FSTL5: variants seen among roughly 807,000 people sequenced by gnomAD.
FSTL5 encodes follistatin-related protein 5.
Under a neutral mutation model 89.1 loss-of-function variants are expected in FSTL5, and 62 were observed. That is an observed-to-expected ratio of 0.70 (90% confidence interval 0.57 to 0.86). FSTL5 has a LOEUF of 0.86. Among genes scored for constraint, FSTL5 ranks in the 40% least tolerant of loss-of-function variants. FSTL5 has a pLI of 0.00. For synonymous variants in FSTL5, 383 were observed against 346.2 expected, an observed-to-expected ratio of 1.11 and a Z score of -1.18; for missense variants, 1,057 against 1,001.6, an observed-to-expected ratio of 1.06 and a Z score of -0.75.
intron 5 of FSTL5, among the ~76,000 whole-genome samples, chr4:161,765,527 T>G (rs1243120614): frequency 6.6e-6 from 1 of 152,200 alleles, no homozygotes; most frequent in Non-Finnish European, 1.5e-5. Flanking sequence ...TTTGTAATGA[T>G]TTTTAAAGAA....
Position 162,017,107 on chromosome 4 carries a change from A to G in FSTL5, c.160+16518T>C, listed in dbSNP as rs1051550439. Among the ~76,000 whole-genome samples the G allele has an allele frequency of 9.2e-5, 14 of 152,296 alleles. No individual in the cohort carries two copies. In the South Asian group the frequency reaches 1.2e-3, roughly 14 times the overall value. On this transcript the variant is annotated intron_variant, in intron 3 of 15. Coordinates refer to ENST00000306100, the MANE Select transcript of FSTL5 (RefSeq NM_020116.5). ...GACATTCCCTCTGTACTTATTCTCT[A>G]TAATTTTCCCTTAGAGTCAGTCTTT... is the stretch of plus-strand genomic sequence containing the variant.
chr4:161,469,038 T>C (rs952880029), intron 13 of FSTL5, among the ~76,000 whole-genome samples: 2 of 152,220 alleles, frequency 1.3e-5, no homozygotes, highest in African/African-American at 4.8e-5. Context: ...TTTTACCTTG[T>C]AAAATGGAAC....
At chr4:161,712,668 G>T (rs1738832412) in intron 6 of FSTL5, among the ~76,000 whole-genome samples, 1 of 152,120 alleles carries the variant, frequency 6.6e-6, no homozygotes, top group African/African-American at 2.4e-5. Flanking sequence ...TTGGCTCACG[G>T]GGGCAGGTCC....
At chr4:161,500,522 A>G (rs926262575) in intron 11 of FSTL5, among the ~76,000 whole-genome samples, 8 of 152,132 alleles carry the variant, frequency 5.3e-5, no homozygotes, top group Admixed American at 3.3e-4. Flanking sequence ...CTTTTATTAG[A>G]GTTCACTAGG....
intron 6 of FSTL5, among the ~76,000 whole-genome samples, chr4:161,757,378 A>C (rs1740611210): frequency 6.6e-6 from 1 of 151,958 alleles, no homozygotes. Context: ...ACACACACAC[A>C]CACACACACA....
chr4:162,113,985 A>G (rs1456863140), intron 1 of FSTL5, among the ~76,000 whole-genome samples: 1 of 152,156 alleles, frequency 6.6e-6, no homozygotes, highest in Admixed American at 6.6e-5. Flanking sequence ...TTTCTTCAGC[A>G]TTACATCACC....
intron 3 of FSTL5, among the ~76,000 whole-genome samples, chr4:161,990,922 T>C (rs1736093296): frequency 6.6e-6 from 1 of 152,148 alleles, no homozygotes; most frequent in African/African-American, 2.4e-5. Context: ...CCAAACTTGC[T>C]GTCTCCACTC....
At chr4:161,528,747 A>C (rs955909906) in intron 10 of FSTL5, among the ~76,000 whole-genome samples, 12 of 143,584 alleles carry the variant, frequency 8.4e-5, no homozygotes, top group African/African-American at 1.0e-4. Context: ...TGTTAAACTT[A>C]AGAACACAGT....
At chr4:162,084,299 T>C (rs1381859980) in intron 2 of FSTL5, among the ~76,000 whole-genome samples, 2 of 151,954 alleles carry the variant, frequency 1.3e-5, no homozygotes, top group African/African-American at 4.8e-5. Flanking sequence ...GTCAGGTTTA[T>C]ATTGCAATTT....
chr4:161,845,582 T>C (rs1731341600), intron 4 of FSTL5, among the ~76,000 whole-genome samples: 1 of 152,242 alleles, frequency 6.6e-6, no homozygotes, highest in Admixed American at 6.5e-5. Flanking sequence ...ACTTTTGCCT[T>C]AGAATACAAA....
chr4:161,859,808 C>A, intron 4 of FSTL5, among the ~76,000 whole-genome samples: 1 of 152,056 alleles, frequency 6.6e-6, no homozygotes, highest in East Asian at 1.9e-4. Flanking sequence ...CAGAGGGCTG[C>A]TGGAGTGTGT....
chr4:162,093,126 T>C (rs1730614783), intron 2 of FSTL5, among the ~76,000 whole-genome samples: 1 of 152,044 alleles, frequency 6.6e-6, no homozygotes, highest in Admixed American at 6.6e-5. Flanking sequence ...ATATCAAATG[T>C]CATTAAACAC....
chr4:162,105,419 C>T (rs1731185760), intron 2 of FSTL5, among the ~76,000 whole-genome samples: 1 of 152,056 alleles, frequency 6.6e-6, no homozygotes, highest in Non-Finnish European at 1.5e-5. Flanking sequence ...TGCTAAAACT[C>T]AAATATTTTT....
At chr4:161,548,091 C>T (rs555795831) in intron 8 of FSTL5, among the ~76,000 whole-genome samples, 4 of 151,818 alleles carry the variant, frequency 2.6e-5, no homozygotes, top group Non-Finnish European at 5.9e-5. Context: ...ATTATTGCCT[C>T]TAGTTACAAT....
intron 1 of FSTL5, among the ~76,000 whole-genome samples, chr4:162,113,122 C>T (rs1380681815): frequency 1.3e-5 from 2 of 152,136 alleles, no homozygotes; most frequent in Non-Finnish European, 2.9e-5. Context: ...TATTGCTTCA[C>T]ACCCAACCTC....
chr4:162,110,725 C>G (rs1731402751), intron 2 of FSTL5, among the ~76,000 whole-genome samples: 1 of 151,318 alleles, frequency 6.6e-6, no homozygotes, highest in Non-Finnish European at 1.5e-5. Context: ...GCCTAAATAT[C>G]AGTTTATTTT....
chr4:161,491,384 CAG>C (rs1285218604), intron 12 of FSTL5, among the ~76,000 whole-genome samples: 2 of 151,758 alleles, frequency 1.3e-5, no homozygotes, highest in Non-Finnish European at 2.9e-5. Context: ...TCACAGATTA[CAG>C]AGTTAAGTTT....
At chr4:161,639,123 A>C (rs927048234) in intron 7 of FSTL5, among the ~76,000 whole-genome samples, 5 of 152,144 alleles carry the variant, frequency 3.3e-5, no homozygotes, top group African/African-American at 1.2e-4. Flanking sequence ...ACTTCTATTC[A>C]ACATAGTGTT....
At chr4:162,122,530 A>C (rs1731910207) in intron 1 of FSTL5, among the ~76,000 whole-genome samples, 1 of 152,148 alleles carries the variant, frequency 6.6e-6, no homozygotes, top group South Asian at 2.1e-4. Flanking sequence ...TTGTTATGTT[A>C]AATTTCTGAA....
Sources: allele counts gnomAD v4.1 joint callset (sites outside exome capture counted in the v4.1 genomes callset), GRCh38; gene constraint gnomAD v4.1.1; transcripts MANE v1.5; gene names NCBI Gene and HGNC (gene_info 2026-07-23, HGNC 2026-07-21).